Variants in ULK4 observed in about 807,000 individuals in gnomAD.
The protein encoded by ULK4 is inactive serine/threonine-protein kinase ULK4.
A neutral mutation model predicts 160.6 loss-of-function variants in ULK4; 133 were observed. That is an observed-to-expected ratio of 0.83 (90% confidence interval 0.72 to 0.96). The LOEUF (loss-of-function observed/expected upper bound fraction) is 0.96. Ranked by LOEUF, ULK4 falls within the 40% of genes least tolerant of loss-of-function variation. The pLI is 0.00. For missense variants in ULK4, 1,580 were observed against 1,499.5 expected, an observed-to-expected ratio of 1.05 and a Z score of -0.89; for synonymous variants, 534 against 539.8, an observed-to-expected ratio of 0.99 and a Z score of 0.15.
chr3:41,668,449 G>A (rs2035423014), intron 29 of ULK4, among the ~76,000 whole-genome samples: 1 of 152,062 alleles, frequency 6.6e-6, no homozygotes, highest in Non-Finnish European at 1.5e-5. Flanking sequence ...TCTTACCATT[G>A]TGTTACAGTT....
At position 41,819,521 on chromosome 3, in the gene ULK4, GAA is replaced by G. The variant is rs59543183; in HGVS notation, c.1765-17_1765-16del. The stretch of plus-strand genomic sequence containing the variant: ...TTTTTTTCTTCCTAAAATGAAGTGG[GAA>G]AAAAAAAGGCAGTGAAGCTAACAGC... On this transcript the variant is annotated splice_polypyrimidine_tract_variant and intron_variant, in intron 18 of 36. Coordinates refer to ENST00000301831, the MANE Select transcript of ULK4 (RefSeq NM_017886.4). The G allele has an allele frequency of 1.9e-6, 3 of 1,575,118 alleles. No individual in the cohort carries two copies. Among genetic ancestry groups the G allele is most frequent in the Admixed American group, 1.9e-5 (1 of 54,010 alleles).
At chr3:41,443,856 A>G (rs1260472210) in intron 34 of ULK4, among the ~76,000 whole-genome samples, 5 of 152,082 alleles carry the variant, frequency 3.3e-5, no homozygotes, top group Admixed American at 6.6e-5. Context: ...ATATTTTCCC[A>G]TATGATTAAA....
At chr3:41,805,235 C>T (rs1332533816) in intron 19 of ULK4, among the ~76,000 whole-genome samples, 3 of 152,138 alleles carry the variant, frequency 2.0e-5, no homozygotes, top group Admixed American at 6.6e-5. Context: ...ATTTTATTCT[C>T]TTTGAAGCAA....
intron 31 of ULK4, among the ~76,000 whole-genome samples, chr3:41,581,731 G>T (rs9846536): frequency 0.13 from 19,199 of 152,066 alleles, 3,955 homozygotes; most frequent in African/African-American, 0.43. Flanking sequence ...TCAGACAAAC[G>T]CAACAGGCTA....
intron 27 of ULK4, among the ~76,000 whole-genome samples, chr3:41,703,670 A>G (rs2036759346): frequency 6.6e-6 from 1 of 152,202 alleles, no homozygotes; most frequent in African/African-American, 2.4e-5. Context: ...AAGAACAAAG[A>G]AACAGAAGCT....
intron 21 of ULK4, among the ~76,000 whole-genome samples, chr3:41,787,631 A>G (rs1462485458): frequency 2.0e-5 from 3 of 152,222 alleles, no homozygotes; most frequent in African/African-American, 7.2e-5. Context: ...GCAGGATAAA[A>G]AGGTTCTGGA....
At chr3:41,942,743 GGA>G (rs1051175992) in intron 2 of ULK4, among the ~76,000 whole-genome samples, 62 of 151,970 alleles carry the variant, frequency 4.1e-4, no homozygotes, top group African/African-American at 1.4e-3. Context: ...CTTGAACCCG[GGA>G]GGTGAGGCTG....
At chr3:41,258,692 T>A (rs1257751156) in intron 35 of ULK4, among the ~76,000 whole-genome samples, 1 of 152,196 alleles carries the variant, frequency 6.6e-6, no homozygotes, top group Non-Finnish European at 1.5e-5. Context: ...CTCACATTTC[T>A]CTGCTTTATG....
At chr3:41,299,086 T>C (rs1467997973) in intron 35 of ULK4, among the ~76,000 whole-genome samples, 4 of 152,204 alleles carry the variant, frequency 2.6e-5, no homozygotes, top group Non-Finnish European at 4.4e-5. Flanking sequence ...TTGTGACTTG[T>C]GTTGGCCAAC....
intron 30 of ULK4, among the ~76,000 whole-genome samples, chr3:41,660,413 G>A (rs972228443): frequency 6.6e-5 from 10 of 152,110 alleles, no homozygotes; most frequent in Non-Finnish European, 1.3e-4. Flanking sequence ...AGAATAAACA[G>A]AGAAAGAAAT....
chr3:41,342,073 A>G (rs1426607533), intron 35 of ULK4, among the ~76,000 whole-genome samples: 2 of 152,194 alleles, frequency 1.3e-5, no homozygotes, highest in African/African-American at 4.8e-5. Context: ...ATAAACTGCC[A>G]TAATGGTTTA....
chr3:41,665,303 A>T (rs1163817763), intron 29 of ULK4, among the ~76,000 whole-genome samples: 1 of 152,222 alleles, frequency 6.6e-6, no homozygotes, highest in Admixed American at 6.5e-5. Flanking sequence ...ACAGGAAGGC[A>T]ACCAATGAAT....
At chr3:41,650,155 G>A (rs1268134831) in intron 30 of ULK4, among the ~76,000 whole-genome samples, 2 of 152,160 alleles carry the variant, frequency 1.3e-5, no homozygotes, top group Non-Finnish European at 2.9e-5. Flanking sequence ...TCTCCTGGGA[G>A]CTATTCTGTC....
At chr3:41,538,316 G>C (rs2086581983) in intron 32 of ULK4, among the ~76,000 whole-genome samples, 1 of 151,872 alleles carries the variant, frequency 6.6e-6, no homozygotes, top group East Asian at 1.9e-4. Flanking sequence ...TATGCCTACT[G>C]GTGTAGCCAC....
At chr3:41,711,768 G>A (rs1230396168) in intron 25 of ULK4, among the ~76,000 whole-genome samples, 1 of 152,188 alleles carries the variant, frequency 6.6e-6, no homozygotes, top group East Asian at 1.9e-4. Context: ...AAAGGACATA[G>A]GAAATATAGT....
intron 34 of ULK4, among the ~76,000 whole-genome samples, chr3:41,428,990 AT>A (rs370219001): frequency 2.6e-5 from 4 of 152,168 alleles, no homozygotes; most frequent in Middle Eastern, 3.4e-3. Flanking sequence ...ATGGGAGAAA[AT>A]TTTTTCAATC....
At chr3:41,469,730 G>C (rs2083929728) in intron 32 of ULK4, among the ~76,000 whole-genome samples, 1 of 135,986 alleles carries the variant, frequency 7.4e-6, no homozygotes, top group Non-Finnish European at 1.5e-5. Flanking sequence ...ATATCCAAAA[G>C]AAACTAAGAA....
At chr3:41,477,298 G>A (rs1411412957) in intron 32 of ULK4, among the ~76,000 whole-genome samples, 1 of 152,136 alleles carries the variant, frequency 6.6e-6, no homozygotes, top group East Asian at 1.9e-4. Flanking sequence ...CAATCATTGT[G>A]TTCTTGTTAT....
At chr3:41,420,794 C>T (rs1160485595) in intron 34 of ULK4, among the ~76,000 whole-genome samples, 2 of 147,374 alleles carry the variant, frequency 1.4e-5, no homozygotes, top group African/African-American at 5.1e-5. Context: ...CTGGTTCTTT[C>T]AATTTAATGT....
Sources: allele counts gnomAD v4.1 joint callset (sites outside exome capture counted in the v4.1 genomes callset), GRCh38; gene constraint gnomAD v4.1.1; transcripts MANE v1.5; gene names NCBI Gene and HGNC (gene_info 2026-07-23, HGNC 2026-07-21).